The following BTAF1 variants were observed in gnomAD, a reference collection of about 807,000 sequenced individuals.
The protein encoded by BTAF1 is TATA-binding protein-associated factor 172.
In BTAF1, 38 loss-of-function variants were observed where a neutral mutation model predicts 227.1. The observed-to-expected ratio is 0.17, with a 90% CI of 0.13 to 0.22. BTAF1 has a LOEUF of 0.22. Ranked by LOEUF, BTAF1 falls within the 10% of genes least tolerant of loss-of-function variation. The probability of loss-of-function intolerance (pLI) is 1.00; values close to 1 mark genes in which losing one functional copy is unlikely to be tolerated. For synonymous variants in BTAF1, 742 were observed against 751.9 expected, an observed-to-expected ratio of 0.99 and a Z score of 0.21; for missense variants, 1,598 against 2,204.0, an observed-to-expected ratio of 0.73 and a Z score of 5.51.
chr10:92,000,262 C>A (rs1002815078), intron 25 of BTAF1, among the ~76,000 whole-genome samples: 18 of 152,110 alleles, frequency 1.2e-4, no homozygotes, highest in African/African-American at 4.3e-4. Context: ...ACCTTTAAAC[C>A]AAATGGGTTG....
Position 92,024,987 on chromosome 10 carries a change from C to T in BTAF1, c.5075+20C>T. The T allele has an allele frequency of 6.3e-7, 1 of 1,587,966 alleles. No individual in the cohort carries two copies. Among genetic ancestry groups the T allele is most frequent in the Non-Finnish European group, 8.6e-7 (1 of 1,159,160 alleles). On this transcript the variant is annotated intron_variant, in intron 35 of 37. Transcript: ENST00000265990. ...TTCCCGGTAAGTGGCTTCTAAGACT[C>T]TTATTCATAAATAAATATATTATTA...
At chr10:91,995,988 G>C (rs916186273) in intron 23 of BTAF1, among the ~76,000 whole-genome samples, 10 of 152,150 alleles carry the variant, frequency 6.6e-5, no homozygotes, top group Admixed American at 5.2e-4. Context: ...ATCTAAATTA[G>C]TGCTACCAAA....
At chr10:91,951,334 GTT>G (rs1845751032) in intron 4 of BTAF1, 67 bp from the exon 5 acceptor site, 1 of 1,477,950 alleles carries the variant, frequency 6.8e-7, no homozygotes, top group Non-Finnish European at 9.1e-7. Flanking sequence ...TTTTGATAGA[GTT>G]TGATGTGCAC....
At chr10:91,996,607 T>G (rs1849162222) in intron 24 of BTAF1, 37 bp downstream of exon 24, 1 of 1,589,680 alleles carries the variant, frequency 6.3e-7, no homozygotes, top group Non-Finnish European at 8.6e-7. Context: ...TCAGGAATTA[T>G]ATTCATTTCA....
At chr10:91,979,355 T>A (rs1349333907) in intron 14 of BTAF1, among the ~76,000 whole-genome samples, 2 of 152,180 alleles carry the variant, frequency 1.3e-5, no homozygotes, top group African/African-American at 2.4e-5. Flanking sequence ...AATTGCTAGG[T>A]CAAATGGCAG....
At chr10:91,997,847 G>T (rs898267966) in intron 25 of BTAF1, 96 bp downstream of exon 25, 19 of 1,275,088 alleles carry the variant, frequency 1.5e-5, no homozygotes, top group Non-Finnish European at 2.0e-5. Flanking sequence ...AAAGGCTCAT[G>T]CCTGTAATCC....
intron 14 of BTAF1, among the ~76,000 whole-genome samples, chr10:91,971,750 G>A (rs1847322138): frequency 6.6e-6 from 1 of 152,026 alleles, no homozygotes; most frequent in Non-Finnish European, 1.5e-5. Context: ...GGGATTACAG[G>A]CATGAGCCAC....
intron 4 of BTAF1, among the ~76,000 whole-genome samples, chr10:91,948,056 C>T (rs556225115): frequency 3.3e-5 from 5 of 152,012 alleles, no homozygotes; most frequent in South Asian, 2.1e-4. Context: ...ATGTGCACAA[C>T]GTGCAGGTTT....
chr10:91,946,263 G>C (rs549732103), intron 4 of BTAF1, among the ~76,000 whole-genome samples: 6 of 152,274 alleles, frequency 3.9e-5, no homozygotes, highest in African/African-American at 1.4e-4. Flanking sequence ...GGAGGCTGAG[G>C]CAGGAGAATC....
At chr10:91,971,350 A>G (rs1171217116) in intron 14 of BTAF1, among the ~76,000 whole-genome samples, 4 of 152,084 alleles carry the variant, frequency 2.6e-5, no homozygotes, top group African/African-American at 9.6e-5. Flanking sequence ...ACCAAAGACT[A>G]TGGCTATGGC....
intron 19 of BTAF1, among the ~76,000 whole-genome samples, chr10:91,986,798 C>T (rs879805502): frequency 1.3e-5 from 2 of 151,990 alleles, no homozygotes; most frequent in Admixed American, 1.3e-4. Flanking sequence ...TTGACTTGGG[C>T]TAGAAGATAA....
intron 25 of BTAF1, among the ~76,000 whole-genome samples, chr10:92,003,416 C>T (rs1237691949): frequency 6.6e-6 from 1 of 152,166 alleles, no homozygotes; most frequent in Non-Finnish European, 1.5e-5. Flanking sequence ...CTCCCTTCCA[C>T]GCACTAAGCA....
intron 32 of BTAF1, among the ~76,000 whole-genome samples, chr10:92,015,115 C>T (rs899108071): frequency 6.6e-6 from 1 of 152,132 alleles, no homozygotes; most frequent in Non-Finnish European, 1.5e-5. Flanking sequence ...ATTTCATTAC[C>T]TAAAAATGTT....
At chr10:91,957,365 A>G (rs553671335) in intron 8 of BTAF1, 72 bp downstream of exon 8, 10 of 1,278,940 alleles carry the variant, frequency 7.8e-6, no homozygotes, top group Admixed American at 1.8e-5. Flanking sequence ...GTCAAGAGCA[A>G]TATACTTTGT....
intron 14 of BTAF1, among the ~76,000 whole-genome samples, chr10:91,977,930 A>G (rs971257540): frequency 6.6e-6 from 1 of 152,048 alleles, no homozygotes; most frequent in African/African-American, 2.4e-5. Flanking sequence ...CCCATCCCCC[A>G]TCCTCAACAC....
Position 91,982,616 on chromosome 10 carries a change from G to A in BTAF1, c.2078G>A (p.Cys693Tyr). ...TTAGGAGCACTTTGTTGCTGTATTT[G>A]TGATCCAGGTGTAAATGTGGTAACT... is the stretch of plus-strand genomic sequence containing the variant. Reference protein sequence around the residue: ...KLLGALCCCICDPGVNVVTQE... With the variant: ...KLLGALCCCIYDPGVNVVTQE... Residue 693 changes from cysteine to tyrosine, a missense_variant, in exon 18 of 38, where the codon TGT becomes TAT. Cys to Tyr is a radical substitution (Grantham distance 194). Around this residue, in one of 10 missense-constraint regions of BTAF1, gnomAD observed 318 missense variants for 435.0 expected, o/e 0.73. Transcript: ENST00000265990. 1 of 1,613,580 alleles carries A rather than the reference G, an allele frequency of 6.2e-7. No homozygotes were observed.
intron 1 of BTAF1, among the ~76,000 whole-genome samples, chr10:91,925,607 G>A (rs1385735781): frequency 6.9e-6 from 1 of 145,468 alleles, no homozygotes; most frequent in East Asian, 2.2e-4. Flanking sequence ...CGCATCCCGG[G>A]TTCAGGCCAT....
intron 4 of BTAF1, among the ~76,000 whole-genome samples, chr10:91,945,735 A>G (rs12257310): frequency 0.012 from 1,820 of 152,338 alleles, 35 homozygotes; most frequent in African/African-American, 0.04. Flanking sequence ...GAATAATGCT[A>G]CTGTGAACAT....
intron 4 of BTAF1, among the ~76,000 whole-genome samples, chr10:91,946,682 G>A (rs1322770522): frequency 6.6e-6 from 1 of 151,970 alleles, no homozygotes; most frequent in African/African-American, 2.4e-5. Flanking sequence ...TTCATGTATT[G>A]ACCATTTGTA....
Sources: gnomAD v4.1 joint callset for allele counts (sites outside exome capture counted in the v4.1 genomes callset) on GRCh38, gnomAD v4.1.1 for gene constraint, gnomAD v4.1.1 regional missense constraint, MANE v1.5 for transcripts, NCBI Gene and HGNC (gene_info 2026-07-23, HGNC 2026-07-21) for gene names.